TACC1: variants seen among roughly 807,000 people sequenced by gnomAD.
TACC1 encodes the protein transforming acidic coiled-coil-containing protein 1.
In TACC1, 48 loss-of-function variants were observed where a neutral mutation model predicts 84.4. The ratio of observed to expected loss-of-function variants is 0.57; its 90% CI spans 0.45 to 0.72. The LOEUF (loss-of-function observed/expected upper bound fraction) is 0.72. Among genes scored for constraint, TACC1 ranks in the 30% least tolerant of loss-of-function variants. TACC1 has a pLI of 0.00. For synonymous variants in TACC1, 372 were observed against 376.3 expected, an observed-to-expected ratio of 0.99 and a Z score of 0.13; for missense variants, 920 against 973.0, an observed-to-expected ratio of 0.95 and a Z score of 0.72.
chr8:38,820,588 T>C lies in TACC1; in HGVS notation c.1344T>C (p.Val448=). 1 of 1,612,924 alleles carries C rather than the reference T, an allele frequency of 6.2e-7. No homozygotes were observed. Among genetic ancestry groups the C allele is most frequent in the Non-Finnish European group, 8.5e-7 (1 of 1,180,004 alleles). The change falls in exon 3 of 13, where the codon GTT becomes GTC. Residue 448 remains valine (V), a synonymous_variant. Transcript: ENST00000317827. ...TTTGTTCTCCCACTGGTAATCACGT[T>C]AATGAAATCTTAGAATCACCCAAGA... ...SDFCSPTGNH[V]NEILESPKKA...
At chr8:38,782,646 C>T (rs1816262950), upstream of TACC1, among the ~76,000 whole-genome samples, 7 of 152,314 alleles carry the variant, frequency 4.6e-5, 1 homozygote, top group South Asian at 1.5e-3. Flanking sequence ...AAGAGTAATC[C>T]TCCAAGATGA....
intron 3 of TACC1, among the ~76,000 whole-genome samples, chr8:38,748,934 T>G (rs889264940): frequency 2.7e-5 from 4 of 150,358 alleles, no homozygotes; most frequent in Admixed American, 2.6e-4. Context: ...AAGAAAATAA[T>G]AAAGATAATG....
chr8:38,756,987 G>T (rs974599626), intron 3 of TACC1, among the ~76,000 whole-genome samples: 6 of 152,150 alleles, frequency 3.9e-5, no homozygotes, highest in African/African-American at 7.2e-5. Flanking sequence ...GGGGGCGCCC[G>T]CAGGCCTAGC....
intron 2 of TACC1, among the ~76,000 whole-genome samples, chr8:38,818,033 C>G (rs533362894): frequency 6.6e-6 from 1 of 151,524 alleles, no homozygotes; most frequent in Non-Finnish European, 1.5e-5. Flanking sequence ...GTGAGACCAG[C>G]CTGGGCAACT....
chr8:38,773,390 A>G (rs1814058365), intron 3 of TACC1, among the ~76,000 whole-genome samples: 2 of 148,528 alleles, frequency 1.3e-5, no homozygotes, highest in Middle Eastern at 3.6e-3. Context: ...AAATTAAAAT[A>G]TTAATATAAT....
At chr8:38,748,544 G>A (rs1808463392) in intron 3 of TACC1, among the ~76,000 whole-genome samples, 1 of 151,968 alleles carries the variant, frequency 6.6e-6, no homozygotes, top group Non-Finnish European at 1.5e-5. Context: ...ACCACATTCT[G>A]GACCATAAAA....
intron 3 of TACC1, among the ~76,000 whole-genome samples, chr8:38,765,305 A>G: frequency 6.6e-6 from 1 of 152,096 alleles, no homozygotes; most frequent in African/African-American, 2.4e-5. Flanking sequence ...GGAACTTGGT[A>G]TGGAGTACAT....
chr8:38,847,919 A>G (rs1358123771), intron 12 of TACC1, 36 bp from the exon 13 acceptor site: 5 of 1,583,486 alleles, frequency 3.2e-6, no homozygotes, highest in Admixed American at 1.7e-5. Flanking sequence ...TTCAGAATAC[A>G]AAGTGGCCTG....
chr8:38,848,915 T>C lies in TACC1; in HGVS notation c.*892T>C, dbSNP rs1419197513. On this transcript the variant is annotated 3_prime_UTR_variant, in exon 13 of 13. Coordinates refer to ENST00000317827, the MANE Select transcript of TACC1 (RefSeq NM_006283.3). ...TCTGCCCTAGAGTCATTTACTCTCC[T>C]CTGCCTCCATTTGTTAATACAGAAT... 1 of 152,098 alleles carries C rather than the reference T, an allele frequency of 6.6e-6. No homozygotes were observed. Among genetic ancestry groups the C allele is most frequent in the Non-Finnish European group, 1.5e-5 (1 of 68,022 alleles). 9.4% of individuals were successfully genotyped at this position (152,098 alleles called of 1,614,324 possible).
intron 2 of TACC1, among the ~76,000 whole-genome samples, chr8:38,790,835 A>G (rs913290078): frequency 1.3e-5 from 2 of 152,196 alleles, no homozygotes; most frequent in African/African-American, 4.8e-5. Context: ...GCATTTTGCC[A>G]TTGTTCTAGG....
chr8:38,774,416 GGAATGAATGAATGAAT>G (rs10599906), intron 3 of TACC1, among the ~76,000 whole-genome samples: 2 of 151,388 alleles, frequency 1.3e-5, no homozygotes, highest in Non-Finnish European at 2.9e-5. Flanking sequence ...TCAAATTTGT[GGAATGAATGAATGAAT>G]GAATGAATGA....
intron 3 of TACC1, among the ~76,000 whole-genome samples, chr8:38,750,027 A>C (rs1332089132): frequency 1.3e-5 from 2 of 152,210 alleles, no homozygotes; most frequent in African/African-American, 4.8e-5. Flanking sequence ...TTGAAAGCCT[A>C]TAAGAAGGGG....
In TACC1 at chr8:38,851,546, C is replaced by CT; in HGVS notation, c.*3529dup. ...GAGTTGGAAGTGATTTCAGCACATT[C>CT]TTTTTTAGTGGAGTGAAAGTTCTGA... On this transcript the variant is annotated 3_prime_UTR_variant, in exon 13 of 13. Coordinates refer to ENST00000317827, the MANE Select transcript of TACC1 (RefSeq NM_006283.3). The CT allele has an allele frequency of 5.2e-6, 1 of 191,196 alleles. No homozygotes were observed. The highest frequency in any genetic ancestry group is 1.3e-4 in the East Asian group (1 of 7,520). 11.8% of individuals were successfully genotyped at this position (191,196 alleles called of 1,614,324 possible).
intron 4 of TACC1, among the ~76,000 whole-genome samples, chr8:38,826,089 T>G (rs1309389936): frequency 6.6e-6 from 1 of 152,212 alleles, no homozygotes; most frequent in Non-Finnish European, 1.5e-5. Context: ...ACTTTCTCAG[T>G]ATACTTATTA....
intron 9 of TACC1, 52 bp from the exon 10 acceptor site, chr8:38,842,235 A>C: frequency 6.3e-7 from 1 of 1,580,134 alleles, no homozygotes; most frequent in Non-Finnish European, 8.6e-7. Context: ...TCTTCTAAGG[A>C]GTGTCTATTT....
intron 3 of TACC1, among the ~76,000 whole-genome samples, chr8:38,762,732 T>C (rs1015218531): frequency 5.9e-5 from 9 of 152,144 alleles, no homozygotes; most frequent in Admixed American, 5.2e-4. Flanking sequence ...AAATTTTTTA[T>C]TTTTAGCAGA....
At chr8:38,776,586 T>G (rs1267952090) in intron 3 of TACC1, among the ~76,000 whole-genome samples, 3 of 152,236 alleles carry the variant, frequency 2.0e-5, no homozygotes, top group Non-Finnish European at 2.9e-5. Flanking sequence ...AAGGTAATTT[T>G]AAACAGCAGT....
intron 6 of TACC1, among the ~76,000 whole-genome samples, chr8:38,831,831 A>T (rs60718117): frequency 2.1e-5 from 3 of 143,500 alleles, no homozygotes; most frequent in South Asian, 2.2e-4. Context: ...TTTGAGACAG[A>T]GTTTCACTCT....
intron 2 of TACC1, among the ~76,000 whole-genome samples, chr8:38,813,226 T>C (rs1824643762): frequency 6.6e-6 from 1 of 152,134 alleles, no homozygotes; most frequent in Non-Finnish European, 1.5e-5. Flanking sequence ...TCACAATTTT[T>C]TTAAGATGAG....
Sources: gnomAD v4.1 joint callset for allele counts (sites outside exome capture counted in the v4.1 genomes callset) on GRCh38, gnomAD v4.1.1 for gene constraint, MANE v1.5 for transcripts, NCBI Gene and HGNC (gene_info 2026-07-23, HGNC 2026-07-21) for gene names.